The following DENND5A variants were observed in gnomAD, a reference collection of about 807,000 sequenced individuals.
The protein encoded by DENND5A is DENN domain-containing protein 5A.
DENND5A carries 64 observed loss-of-function variants against 140.3 expected under a neutral mutation model. The observed-to-expected ratio is 0.46, with a 90% CI of 0.37 to 0.56. DENND5A has a LOEUF of 0.56. Among genes scored for constraint, DENND5A ranks in the 20% least tolerant of loss-of-function variants. The pLI is 0.00. For missense variants in DENND5A, 1,292 were observed against 1,593.8 expected, an observed-to-expected ratio of 0.81 and a Z score of 3.22; for synonymous variants, 605 against 607.7, an observed-to-expected ratio of 1.00 and a Z score of 0.07.
intron 2 of DENND5A, chr11:9,207,323 C>A (rs1380562156): frequency 1.9e-6 from 1 of 519,868 alleles, no homozygotes; most frequent in African/African-American, 1.9e-5. Context: ...CTGGAATTGT[C>A]CTTTGTTTTC....
chr11:9,258,289 C>T (rs550328866), intron 1 of DENND5A, among the ~76,000 whole-genome samples: 6 of 150,224 alleles, frequency 4.0e-5, no homozygotes, highest in Non-Finnish European at 5.9e-5. Context: ...CCCCACCCCC[C>T]CAACAGGCCC....
At chr11:9,241,058 A>G (rs1851215050) in intron 1 of DENND5A, among the ~76,000 whole-genome samples, 1 of 152,134 alleles carries the variant, frequency 6.6e-6, no homozygotes, top group African/African-American at 2.4e-5. Flanking sequence ...ATGTTTGTGT[A>G]TTCTTCCCCT....
chr11:9,147,227 G>T, intron 15 of DENND5A, 76 bp from the exon 16 acceptor site: 1 of 1,515,286 alleles, frequency 6.6e-7, no homozygotes. Flanking sequence ...GTTCTGGAAG[G>T]AGACAGCTAA....
At chr11:9,198,879 C>T (rs1010841288) in intron 4 of DENND5A, among the ~76,000 whole-genome samples, 41 of 148,512 alleles carry the variant, frequency 2.8e-4, no homozygotes, top group African/African-American at 8.7e-4. Context: ...GAGACCAGCC[C>T]GGCCAACATG....
chr11:9,253,041 C>G (rs1851798689), intron 1 of DENND5A, among the ~76,000 whole-genome samples: 1 of 151,858 alleles, frequency 6.6e-6, no homozygotes, highest in South Asian at 2.1e-4. Flanking sequence ...TGTAGAGACC[C>G]GAGTCTCGCC....
At chr11:9,152,642 G>GA (rs1381113042) in intron 12 of DENND5A, among the ~76,000 whole-genome samples, 200 bp from the exon 13 acceptor site, 1 of 152,144 alleles carries the variant, frequency 6.6e-6, no homozygotes, top group African/African-American at 2.4e-5. Flanking sequence ...ACAGAAAAAG[G>GA]AAAGGGTCCC....
At chr11:9,155,357 A>G (rs1389505655) in intron 12 of DENND5A, among the ~76,000 whole-genome samples, 2 of 152,212 alleles carry the variant, frequency 1.3e-5, no homozygotes, top group African/African-American at 4.8e-5. Context: ...GCACACATTA[A>G]GTACAGCTGG....
At chr11:9,178,086 G>T in intron 8 of DENND5A, 46 bp downstream of exon 8, 2 of 1,304,328 alleles carry the variant, frequency 1.5e-6, no homozygotes, top group Non-Finnish European at 2.2e-6. Flanking sequence ...ACATGTTAAT[G>T]CCATAATCCA....
In DENND5A at chr11:9,176,826, T is replaced by G. The variant is rs1048019970; in HGVS notation, c.1906+1306A>C. On this transcript the variant is annotated intron_variant, in intron 8 of 22. Coordinates refer to ENST00000328194, the MANE Select transcript of DENND5A (RefSeq NM_015213.4). The stretch of plus-strand genomic sequence containing the variant: ...TCATAGACCTTCATACTGTTCAGGG[T>G]AACATTATACCCAGTTCAATGTTCA... 4.8e-5 allele frequency: 22 copies of G among 455,044 alleles called. No homozygotes were observed. The Admixed American group carries it at 5.2e-4, about 11-fold the overall frequency. 28.2% of individuals were successfully genotyped at this position (455,044 alleles called of 1,614,324 possible).
At chr11:9,152,616 T>C (rs375144621) in intron 12 of DENND5A, among the ~76,000 whole-genome samples, 174 bp from the exon 13 acceptor site, 2 of 151,788 alleles carry the variant, frequency 1.3e-5, no homozygotes, top group African/African-American at 4.8e-5. Context: ...AGAAGAAATA[T>C]AAACAATGGA....
rs78136390 is a variant in DENND5A, at chr11:9,182,784, G to T, written c.1138-1700C>A. Among the ~76,000 whole-genome samples the T allele has an allele frequency of 2.9e-3, 439 of 152,300 alleles. 2 individuals are homozygous for T. Among genetic ancestry groups the T allele is most frequent in the African/African-American group, 0.01 (417 of 41,578 alleles). ...GGGTGGCAAGGAGGAGGAATAGAAA[G>T]AGACTGATTATCCAATACAAAATTA... On this transcript the variant is annotated intron_variant, in intron 5 of 22. Coordinates refer to ENST00000328194, the MANE Select transcript of DENND5A (RefSeq NM_015213.4).
At chr11:9,200,002 CT>C (rs1369681341) in intron 4 of DENND5A, among the ~76,000 whole-genome samples, 1 of 152,222 alleles carries the variant, frequency 6.6e-6, no homozygotes, top group Non-Finnish European at 1.5e-5. Flanking sequence ...CTGAGCCTGA[CT>C]TTAGGTCCTA....
intron 10 of DENND5A, among the ~76,000 whole-genome samples, chr11:9,166,562 A>C (rs1848199476): frequency 1.3e-5 from 2 of 152,138 alleles, no homozygotes; most frequent in South Asian, 4.1e-4. Context: ...GGCAAGGCGC[A>C]GTGGCTCACG....
At chr11:9,155,523 T>G (rs1295156909) in intron 12 of DENND5A, among the ~76,000 whole-genome samples, 2 of 152,208 alleles carry the variant, frequency 1.3e-5, no homozygotes, top group Non-Finnish European at 2.9e-5. Flanking sequence ...GCTGGGCTGC[T>G]CTTTGGTCTT....
chr11:9,253,497 T>C (rs1381468561), intron 1 of DENND5A, among the ~76,000 whole-genome samples: 1 of 152,048 alleles, frequency 6.6e-6, no homozygotes, highest in African/African-American at 2.4e-5. Flanking sequence ...GCATGGTGGT[T>C]CATGTCTATA....
In DENND5A at chr11:9,164,199, T is replaced by A. The variant is rs1427517126; in HGVS notation, c.2283+1637A>T. Among the ~76,000 whole-genome samples the A allele has an allele frequency of 1.1e-4, 3 of 26,814 alleles. No individual in the cohort carries two copies. The South Asian group carries it at 3.9e-3, about 35-fold the overall frequency. The allele number at this position is 26,814 out of a possible 152,430, so 17.6% of individuals were successfully genotyped here. A position where few individuals can be genotyped will look rare whatever the true frequency, so the allele number is the denominator to read the frequency against. The stretch of plus-strand genomic sequence containing the variant: ...GGTGTGCACCACCACGCCTAATTTT[T>A]TTTTTTTTTTTTTTTTTTTTTTTTT... On this transcript the variant is annotated intron_variant, in intron 11 of 22. Transcript: ENST00000328194.
intron 4 of DENND5A, among the ~76,000 whole-genome samples, chr11:9,201,700 C>T (rs1392109649): frequency 6.6e-6 from 1 of 151,964 alleles, no homozygotes. Flanking sequence ...AAGAAAATCA[C>T]CTTTTTGCTA....
chr11:9,170,432 T>C (rs1848331995), intron 9 of DENND5A, among the ~76,000 whole-genome samples, 195 bp downstream of exon 9: 1 of 152,162 alleles, frequency 6.6e-6, no homozygotes, highest in Non-Finnish European at 1.5e-5. Flanking sequence ...ATCTGCATAG[T>C]GGAGGCAGAA....
Position 9,145,771 on chromosome 11 carries a change from C to T in DENND5A, c.2902G>A (p.Gly968Ser), listed in dbSNP as rs767757153. 1 of 1,614,146 alleles carries T rather than the reference C, an allele frequency of 6.2e-7. No individual in the cohort carries two copies. Residue 968 changes from glycine to serine, a missense_variant, in exon 17 of 23, where the codon GGC becomes AGC. Around this residue, in one of 4 missense-constraint regions of DENND5A, gnomAD observed 498 missense variants for 689.7 expected, o/e 0.72. Transcript: ENST00000328194. ...ILIVPSKKLG[G>S]SMFTANPWIC... ...CATGGGTTGGCAGTGAACATGGAGC[C>T]CCCCAGCTTCTTGCTTGGTACGATC...
Sources: allele counts gnomAD v4.1 joint callset (sites outside exome capture counted in the v4.1 genomes callset), GRCh38; gene constraint gnomAD v4.1.1; regional missense constraint gnomAD v4.1.1; transcripts MANE v1.5; gene names NCBI Gene and HGNC (gene_info 2026-07-23, HGNC 2026-07-21).